Variants in OSBPL1A observed in about 807,000 individuals in gnomAD.
The protein encoded by OSBPL1A is oxysterol binding protein like 1A, also known as oxysterol-binding protein-related protein 1.
OSBPL1A carries 80 observed loss-of-function variants against 137.1 expected under a neutral mutation model. The ratio of observed to expected loss-of-function variants is 0.58; its 90% confidence interval spans 0.49 to 0.70. OSBPL1A has a LOEUF of 0.70. Among genes scored for constraint, OSBPL1A ranks in the 30% least tolerant of loss-of-function variants. The pLI, the probability that OSBPL1A is intolerant of heterozygous loss-of-function variation, is 0.00. For synonymous variants in OSBPL1A, 365 were observed against 389.7 expected (o/e 0.94, Z 0.75); for missense variants, 970 against 1,129.4 (o/e 0.86, Z 2.02).
intron 14 of OSBPL1A, chr18:24,301,252 TTAA>T (rs1367813844): frequency 1.3e-5 from 2 of 152,264 alleles, no homozygotes; most frequent in African/African-American, 4.8e-5. Context: ...CCAAGTTGGA[TTAA>T]TTATCTGCTC....
At chr18:24,187,708 T>C (rs547866436) in intron 18 of OSBPL1A, among the ~76,000 whole-genome samples, 5 of 152,228 alleles carry the variant, frequency 3.3e-5, no homozygotes, top group Non-Finnish European at 7.3e-5. Context: ...GGAAAGCAAG[T>C]ACGACTCAAT....
chr18:24,318,456 A>G, intron 9 of OSBPL1A, 145 bp downstream of exon 9: 1 of 732,924 alleles, frequency 1.4e-6, no homozygotes, highest in Non-Finnish European at 2.2e-6. Flanking sequence ...AAATAAAAAA[A>G]AAAATCAGTG....
At chr18:24,206,663 A>T (rs991720989) in intron 17 of OSBPL1A, among the ~76,000 whole-genome samples, 1 of 152,164 alleles carries the variant, frequency 6.6e-6, no homozygotes, top group Non-Finnish European at 1.5e-5. Context: ...GGAGACTTCG[A>T]GCATGCTCCT....
intron 14 of OSBPL1A, among the ~76,000 whole-genome samples, chr18:24,287,552 C>T (rs2090087668): frequency 6.6e-6 from 1 of 152,106 alleles, no homozygotes; most frequent in Non-Finnish European, 1.5e-5. Flanking sequence ...GCAGGCAGAT[C>T]ACCTGAGATC....
At chr18:24,240,796 G>A (rs1805765463) in intron 15 of OSBPL1A, among the ~76,000 whole-genome samples, 1 of 152,130 alleles carries the variant, frequency 6.6e-6, no homozygotes, top group Non-Finnish European at 1.5e-5. Flanking sequence ...GTTGTGCACT[G>A]GGTGACACTG....
chr18:24,375,451 C>T (rs1393944111), intron 2 of OSBPL1A, among the ~76,000 whole-genome samples: 1 of 151,420 alleles, frequency 6.6e-6, no homozygotes. Flanking sequence ...TTTCTCTGCA[C>T]ATTTGATGCA....
intron 2 of OSBPL1A, among the ~76,000 whole-genome samples, chr18:24,368,999 G>A (rs1905395884): frequency 6.6e-6 from 1 of 152,160 alleles, no homozygotes; most frequent in Non-Finnish European, 1.5e-5. Flanking sequence ...GAAAGTGTGT[G>A]GTTGTTTCCT....
Position 24,226,887 on chromosome 18 carries a change from A to ATTT in OSBPL1A, c.1445-1692_1445-1690dup, listed in dbSNP as rs5823416. Among the ~76,000 whole-genome samples, 687 of 100,830 alleles carry ATTT rather than the reference A, an allele frequency of 6.8e-3. 21 individuals are homozygous for ATTT. The highest frequency in any genetic ancestry group is 0.016 in the African/African-American group (424 of 27,344). 66.1% of individuals were successfully genotyped at this position (100,830 alleles called of 152,430 possible). ...CCTATACCTCATAACAAAGAAACAG[A>ATTT]TTTTTTTTTTTTTTTTTTTTTTGAG... On this transcript the variant is annotated intron_variant, in intron 16 of 27. Transcript: ENST00000319481.
chr18:24,287,349 T>C (rs1267341944), intron 14 of OSBPL1A, among the ~76,000 whole-genome samples: 2 of 152,184 alleles, frequency 1.3e-5, no homozygotes, highest in African/African-American at 4.8e-5. Context: ...ATGGCCAAGG[T>C]CAAGAGAGGA....
chr18:24,375,742 G>A (rs1906062718), intron 2 of OSBPL1A, among the ~76,000 whole-genome samples: 1 of 152,124 alleles, frequency 6.6e-6, no homozygotes, highest in Non-Finnish European at 1.5e-5. Context: ...ATAAGGGCAG[G>A]GATCCCATGT....
chr18:24,356,447 A>T (rs960376445), intron 4 of OSBPL1A, among the ~76,000 whole-genome samples: 2 of 152,102 alleles, frequency 1.3e-5, no homozygotes, highest in African/African-American at 4.8e-5. Flanking sequence ...ACACCAAGAG[A>T]TCCAAAATGT....
intron 4 of OSBPL1A, among the ~76,000 whole-genome samples, chr18:24,350,154 T>C (rs75203576): frequency 0.066 from 9,988 of 152,072 alleles, 397 homozygotes; most frequent in Middle Eastern, 0.095. Context: ...GCCATGAATA[T>C]TCGAGTCAAT....
chr18:24,170,320 T>C lies in OSBPL1A; in HGVS notation c.2418+7A>G. The C allele has an allele frequency of 6.2e-7, 1 of 1,614,078 alleles. No individual in the cohort carries two copies. Among genetic ancestry groups the C allele is most frequent in the Non-Finnish European group, 8.5e-7 (1 of 1,179,986 alleles). On this transcript the variant is annotated splice_region_variant and intron_variant, in intron 24 of 27. Transcript: ENST00000319481. Reference sequence around the variant, plus strand: ...ATTCCTTCGATACCACCTTACAGGATGTTCACCTGTTTGCTGTTCTTCTTC... The same window carrying C: ...ATTCCTTCGATACCACCTTACAGGACGTTCACCTGTTTGCTGTTCTTCTTC...
At chr18:24,224,907 GCTTT>G in intron 17 of OSBPL1A, 131 bp downstream of exon 17, 3 of 1,145,710 alleles carry the variant, frequency 2.6e-6, no homozygotes, top group Non-Finnish European at 3.7e-6. Flanking sequence ...TAAGTTAAAT[GCTTT>G]CTTTGAGGTG....
intron 20 of OSBPL1A, 82 bp downstream of exon 20, chr18:24,179,656 T>C: frequency 6.0e-6 from 7 of 1,174,946 alleles, no homozygotes; most frequent in Non-Finnish European, 8.8e-6. Context: ...CCTATATAAT[T>C]GTTATTCGTG....
At chr18:24,359,693 A>C (rs1460207154) in intron 4 of OSBPL1A, among the ~76,000 whole-genome samples, 7 of 150,740 alleles carry the variant, frequency 4.6e-5, no homozygotes, top group Non-Finnish European at 1.0e-4. Context: ...AATAAATAAA[A>C]ATTAAAAAAA....
intron 14 of OSBPL1A, among the ~76,000 whole-genome samples, chr18:24,288,929 A>G (rs1343439365): frequency 2.0e-5 from 3 of 152,152 alleles, no homozygotes; most frequent in Non-Finnish European, 4.4e-5. Flanking sequence ...GCCTGAACAC[A>G]CCCAATCTCA....
chr18:24,296,715 G>T (rs552563179), intron 14 of OSBPL1A, among the ~76,000 whole-genome samples: 1 of 152,156 alleles, frequency 6.6e-6, no homozygotes, highest in African/African-American at 2.4e-5. Context: ...TAACATAAAG[G>T]GATGCTGGAT....
At position 24,162,962 on chromosome 18, in the gene OSBPL1A, A is replaced by G. The variant is rs1006009940; in HGVS notation, c.*217T>C. 6.9e-5 allele frequency: 28 copies of G among 407,200 alleles called. No homozygotes were observed. The highest frequency in any genetic ancestry group is 3.3e-4 in the African/African-American group (16 of 48,096). The allele number at this position is 407,200 out of a possible 1,614,324, so 25.2% of individuals were successfully genotyped here. On this transcript the variant is annotated 3_prime_UTR_variant, in exon 28 of 28. Coordinates refer to ENST00000319481, the MANE Select transcript of OSBPL1A (RefSeq NM_080597.4). ...ACCTCTATATAAAATAGTATTCCAA[A>G]TAAGTACATTTTATAGCAAAATTAT... is the stretch of plus-strand genomic sequence containing the variant.
Sources: gnomAD v4.1 joint callset for allele counts (sites outside exome capture counted in the v4.1 genomes callset) on GRCh38, gnomAD v4.1.1 for gene constraint, MANE v1.5 for transcripts, NCBI Gene and HGNC (gene_info 2026-07-23, HGNC 2026-07-21) for gene names.